Variants in TRAPPC6A observed in about 807,000 individuals in gnomAD.
TRAPPC6A encodes the protein trafficking protein particle complex subunit 6A, also known as TRAPP complex subunit 6A.
A neutral mutation model predicts 20.8 loss-of-function variants in TRAPPC6A; 25 were observed. The ratio of observed to expected loss-of-function variants is 1.20; its 90% CI spans 0.88 to 1.68. TRAPPC6A has a LOEUF of 1.68. Among genes scored for constraint, TRAPPC6A ranks in the 40% most tolerant of loss-of-function variants. The pLI is 0.00. For synonymous variants in TRAPPC6A, 96 were observed against 93.3 expected, an observed-to-expected ratio of 1.03 and a Z score of -0.16; for missense variants, 215 against 211.6, an observed-to-expected ratio of 1.02 and a Z score of -0.10.
In TRAPPC6A at chr19:45,172,181, C is replaced by T. The variant is rs1274949908; in HGVS notation, c.84+5954G>A. Among the ~76,000 whole-genome samples, 1 of 151,748 alleles carries T rather than the reference C, an allele frequency of 6.6e-6. No individual in the cohort carries two copies. The highest frequency in any genetic ancestry group is 2.4e-5 in the African/African-American group (1 of 41,102). On this transcript the variant is annotated intron_variant, in intron 1 of 5. Transcript: ENST00000585934. The surrounding 1 kb of genome is among the most constrained non-coding windows in gnomAD (Gnocchi z 4.2). ...CAAAAGCCCTACACACTGGCTGTGG[C>T]TCCTGGGCACCTGTGCTGTGGGGAC...
At chr19:45,169,538 A>G (rs1019961617) in intron 1 of TRAPPC6A, among the ~76,000 whole-genome samples, 11 of 152,228 alleles carry the variant, frequency 7.2e-5, no homozygotes, top group African/African-American at 2.7e-4. Flanking sequence ...CAACCTGAGT[A>G]CTTCAAGGCA....
intron 1 of TRAPPC6A, among the ~76,000 whole-genome samples, chr19:45,167,696 G>A (rs952124556): frequency 8.5e-5 from 13 of 152,288 alleles, no homozygotes; most frequent in South Asian, 4.1e-4. Flanking sequence ...TTGGCCAGGC[G>A]GGTCTCGAAC....
intron 1 of TRAPPC6A, among the ~76,000 whole-genome samples, chr19:45,174,585 T>C (rs553136872): frequency 1.3e-5 from 2 of 151,136 alleles, no homozygotes; most frequent in Non-Finnish European, 3.0e-5. Context: ...GTGTGAGTTT[T>C]TGGGAGGCTG....
At chr19:45,168,160 G>A (rs1205097931) in intron 1 of TRAPPC6A, among the ~76,000 whole-genome samples, 4 of 151,786 alleles carry the variant, frequency 2.6e-5, no homozygotes, top group East Asian at 3.9e-4. Flanking sequence ...CCGCCACCAC[G>A]CCCAGCTAAT....
chr19:45,163,430 G>A lies in TRAPPC6A; in HGVS notation c.449-207C>T, dbSNP rs1341791746. 1.3e-5 allele frequency among the ~76,000 whole-genome samples: 2 copies of A among 152,158 alleles called. No homozygotes were observed. The highest frequency in any genetic ancestry group is 6.5e-5 in the Admixed American group (1 of 15,288). ...CGGATGTGGCCCCAGGGAAGCGCCC[G>A]GCACGGGCTTCTGTGGTATGCATTG... On this transcript the variant is annotated intron_variant, in intron 5 of 5. Coordinates refer to ENST00000585934, the MANE Select transcript of TRAPPC6A (RefSeq NM_001270891.2). This position sits in a 1 kb window ranked among gnomAD's most constrained non-coding sequence, Gnocchi z 5.3.
intron 1 of TRAPPC6A, among the ~76,000 whole-genome samples, chr19:45,165,835 T>C (rs1233450009): frequency 6.6e-6 from 1 of 151,584 alleles, no homozygotes; most frequent in Non-Finnish European, 1.5e-5. Context: ...AGGCCCCAGG[T>C]AGGAGGGCTG....
intron 1 of TRAPPC6A, among the ~76,000 whole-genome samples, chr19:45,167,452 G>T (rs994858581): frequency 1.3e-5 from 2 of 152,192 alleles, no homozygotes; most frequent in African/African-American, 4.8e-5. Context: ...GTTTAAGAAA[G>T]ATTAGGCCGG....
At chr19:45,167,731 C>A (rs991487526) in intron 1 of TRAPPC6A, among the ~76,000 whole-genome samples, 6 of 152,264 alleles carry the variant, frequency 3.9e-5, no homozygotes, top group Admixed American at 3.9e-4. Flanking sequence ...GATCTGCCCA[C>A]CTCGGCCTCC....
chr19:45,164,333 T>C (rs965356093), intron 3 of TRAPPC6A, 86 bp from the exon 4 acceptor site: 27 of 919,848 alleles, frequency 2.9e-5, no homozygotes, highest in South Asian at 6.8e-5. Context: ...AGGTCTTAGA[T>C]TGGGCTGAGG....
At position 45,165,019 on chromosome 19, in the gene TRAPPC6A, G is replaced by T; in HGVS notation, c.153-49C>A. On this transcript the variant is annotated intron_variant, in intron 2 of 5. Coordinates refer to ENST00000585934, the MANE Select transcript of TRAPPC6A (RefSeq NM_001270891.2). ...GGCCGTGGGGCCAGGCCAGGAAGAGGGAGGAAGACAGGCCCGACTCCTGCA... is the reference window on the plus strand; with the variant it reads ...GGCCGTGGGGCCAGGCCAGGAAGAGTGAGGAAGACAGGCCCGACTCCTGCA... 3 of 1,610,354 alleles carry T rather than the reference G, an allele frequency of 1.9e-6. No homozygotes were observed. In the South Asian group the frequency reaches 3.3e-5, roughly 18 times the overall value.
rs1969313248 is a variant in TRAPPC6A, at chr19:45,173,937, G to A, written c.84+4198C>T. Among the ~76,000 whole-genome samples the A allele has an allele frequency of 1.3e-5, 2 of 152,182 alleles. No homozygotes were observed. Among genetic ancestry groups the A allele is most frequent in the Non-Finnish European group, 2.9e-5 (2 of 68,044 alleles). ...CAGCATCGGAATGTAGTGGCAGCTG[G>A]GTAGGGAACCCCTGCCCAAGGTCCC... is the stretch of plus-strand genomic sequence containing the variant. On this transcript the variant is annotated intron_variant, in intron 1 of 5. Transcript: ENST00000585934. The surrounding 1 kb of genome is among the most constrained non-coding windows in gnomAD (Gnocchi z 4.8).
Position 45,167,540 on chromosome 19 carries a change from C to T in TRAPPC6A, c.85-2346G>A, listed in dbSNP as rs542292151. On this transcript the variant is annotated intron_variant, in intron 1 of 5. Coordinates refer to ENST00000585934, the MANE Select transcript of TRAPPC6A (RefSeq NM_001270891.2). ...TCTTGTTGCCCAGGCTGGAGTGCAACGGCGCGATCTCAGCTCACCACAACC... is the reference window on the plus strand; with the variant it reads ...TCTTGTTGCCCAGGCTGGAGTGCAATGGCGCGATCTCAGCTCACCACAACC... 3.3e-5 allele frequency among the ~76,000 whole-genome samples: 5 copies of T among 152,130 alleles called. No homozygotes were observed. The South Asian group carries it at 6.2e-4, about 19-fold the overall frequency.
intron 4 of TRAPPC6A, 72 bp downstream of exon 4, chr19:45,164,092 G>T: frequency 6.4e-7 from 1 of 1,552,202 alleles, no homozygotes; most frequent in Non-Finnish European, 8.7e-7. Flanking sequence ...CCTGGGGAAA[G>T]GCCTGATGTG....
At chr19:45,167,787 C>T (rs542715508) in intron 1 of TRAPPC6A, among the ~76,000 whole-genome samples, 1 of 152,140 alleles carries the variant, frequency 6.6e-6, no homozygotes, top group South Asian at 2.1e-4. Flanking sequence ...CCAGCTGAGT[C>T]CAGGAGTTCG....
At chr19:45,166,845 C>G (rs923832834) in intron 1 of TRAPPC6A, among the ~76,000 whole-genome samples, 3 of 152,156 alleles carry the variant, frequency 2.0e-5, no homozygotes, top group Non-Finnish European at 2.9e-5. Context: ...ATCAGCGCAG[C>G]CATCCGAATG....
At chr19:45,169,683 T>C (rs941328264) in intron 1 of TRAPPC6A, among the ~76,000 whole-genome samples, 64 of 152,222 alleles carry the variant, frequency 4.2e-4, no homozygotes, top group Non-Finnish European at 7.5e-4. Context: ...TGTGGGCTCC[T>C]GTAGCCAGCA....
At chr19:45,167,544 G>A (rs570038047) in intron 1 of TRAPPC6A, among the ~76,000 whole-genome samples, 10 of 152,288 alleles carry the variant, frequency 6.6e-5, no homozygotes, top group Non-Finnish European at 1.0e-4. Flanking sequence ...GTGCAACGGC[G>A]CGATCTCAGC....
At position 45,163,305 on chromosome 19, in the gene TRAPPC6A, C is replaced by G; in HGVS notation, c.449-82G>C. 6.8e-7 allele frequency: 1 copy of G among 1,466,132 alleles called. No individual in the cohort carries two copies. The highest frequency in any genetic ancestry group is 9.5e-7 in the Non-Finnish European group (1 of 1,056,002). The allele number at this position is 1,466,132 out of a possible 1,614,324, so 90.8% of individuals were successfully genotyped here. A position where few individuals can be genotyped will look rare whatever the true frequency, so the allele number is the denominator to read the frequency against. Reference sequence around the variant, plus strand: ...CTGGACGGCTCTTAGGCGCTCACCCCCGTCCTGCACTGACACCCCAGTGGC... The same window carrying G: ...CTGGACGGCTCTTAGGCGCTCACCCGCGTCCTGCACTGACACCCCAGTGGC... On this transcript the variant is annotated intron_variant, in intron 5 of 5. Coordinates refer to ENST00000585934, the MANE Select transcript of TRAPPC6A (RefSeq NM_001270891.2). This position sits in a 1 kb window ranked among gnomAD's most constrained non-coding sequence, Gnocchi z 5.3.
intron 1 of TRAPPC6A, among the ~76,000 whole-genome samples, chr19:45,177,690 C>T (rs1969420324): frequency 6.6e-6 from 1 of 152,112 alleles, no homozygotes; most frequent in Non-Finnish European, 1.5e-5. Context: ...TGTCTTAGAA[C>T]GGTGCCTGGA....
Sources: gnomAD v4.1 joint callset for allele counts (sites outside exome capture counted in the v4.1 genomes callset) on GRCh38, gnomAD v4.1.1 for gene constraint, Gnocchi (gnomAD v3.1) non-coding constraint, MANE v1.5 for transcripts, NCBI Gene and HGNC (gene_info 2026-07-23, HGNC 2026-07-21) for gene names.